GLCCI1: variants seen among roughly 807,000 people sequenced by gnomAD.
GLCCI1 encodes the protein glucocorticoid induced 1, also known as glucocorticoid-induced transcript 1 protein.
A neutral mutation model predicts 52.2 loss-of-function variants in GLCCI1; 24 were observed. The observed-to-expected ratio is 0.46, with a 90% CI of 0.33 to 0.65. The LOEUF is 0.65. GLCCI1 is among the 30% of genes least tolerant of loss of function. The pLI is 0.02. For synonymous variants in GLCCI1, 310 were observed against 276.5 expected (o/e 1.12, Z -1.20); for missense variants, 704 against 701.5 (o/e 1.00, Z -0.04).
At chr7:8,024,125 T>A (rs1781561306) in intron 3 of GLCCI1, among the ~76,000 whole-genome samples, 1 of 152,092 alleles carries the variant, frequency 6.6e-6, no homozygotes. Flanking sequence ...TTCTCTCAAA[T>A]TTTTTTTCAT....
At chr7:8,081,818 A>C (rs1782999343) in intron 6 of GLCCI1, among the ~76,000 whole-genome samples, 1 of 152,196 alleles carries the variant, frequency 6.6e-6, no homozygotes, top group Admixed American at 6.5e-5. Flanking sequence ...AACAGCAATC[A>C]CATTTTTCCA....
Position 8,070,976 on chromosome 7 carries a change from G to C in GLCCI1, c.1022G>C (p.Ser341Thr). 6.2e-7 allele frequency: 1 copy of C among 1,614,228 alleles called. No individual in the cohort carries two copies. The highest frequency in any genetic ancestry group is 8.5e-7 in the Non-Finnish European group (1 of 1,180,032). ...RAPLPAHYRS[S>T]STRSIDTQTP... Reference sequence around the variant, plus strand: ...CCACTTCCTGCTCATTACCGGAGCAGTAGTACTCGCAGCATTGACACTCAG... The same window carrying C: ...CCACTTCCTGCTCATTACCGGAGCACTAGTACTCGCAGCATTGACACTCAG... The change falls in exon 6 of 8, where the codon AGT (serine) becomes ACT (threonine). Residue 341 changes from serine (S) to threonine (T), a missense_variant. Ser to Thr is a moderately conservative substitution (Grantham distance 58). This residue lies in a region of GLCCI1 where 547 missense variants were observed against 524.8 expected (regional missense o/e 1.04). Transcript: ENST00000223145.
chr7:8,061,655 C>CTT (rs1562446626), intron 5 of GLCCI1, among the ~76,000 whole-genome samples: 4 of 94,706 alleles, frequency 4.2e-5, no homozygotes, highest in Non-Finnish European at 5.9e-5. Context: ...TACCATTGAA[C>CTT]TCTTTTTTTT....
chr7:8,069,220 CCA>C (rs1427365199), intron 5 of GLCCI1, among the ~76,000 whole-genome samples: 2 of 151,966 alleles, frequency 1.3e-5, no homozygotes, highest in African/African-American at 2.4e-5. Context: ...GGGGTCCACC[CCA>C]GAGAAATAGC....
At chr7:8,080,902 G>A (rs1584027646) in intron 6 of GLCCI1, among the ~76,000 whole-genome samples, 1 of 143,074 alleles carries the variant, frequency 7.0e-6, no homozygotes. Context: ...TCGAACTCCT[G>A]GCCTCAAGTG....
At chr7:8,077,973 G>A (rs1026800840) in intron 6 of GLCCI1, among the ~76,000 whole-genome samples, 1 of 151,934 alleles carries the variant, frequency 6.6e-6, no homozygotes, top group South Asian at 2.1e-4. Flanking sequence ...GGTGGCTCAC[G>A]CCTGTAATCC....
At chr7:7,992,286 G>C (rs575307959) in intron 1 of GLCCI1, among the ~76,000 whole-genome samples, 1 of 152,060 alleles carries the variant, frequency 6.6e-6, no homozygotes, top group East Asian at 1.9e-4. Context: ...AGTGGTGGAA[G>C]ACTTGCCCAT....
intron 1 of GLCCI1, among the ~76,000 whole-genome samples, chr7:7,994,392 C>T (rs887754859): frequency 1.3e-5 from 2 of 152,172 alleles, no homozygotes; most frequent in Admixed American, 1.3e-4. Flanking sequence ...TTTAATTTTA[C>T]TTTGCCACTT....
At chr7:7,982,783 CTGTAT>C (rs1780647682) in intron 1 of GLCCI1, among the ~76,000 whole-genome samples, 1 of 152,070 alleles carries the variant, frequency 6.6e-6, no homozygotes. Context: ...ATTTTTATTG[CTGTAT>C]TGTATTATAT....
chr7:8,014,090 A>G (rs773551968), intron 2 of GLCCI1, among the ~76,000 whole-genome samples: 2 of 151,928 alleles, frequency 1.3e-5, no homozygotes, highest in East Asian at 1.9e-4. Flanking sequence ...TCTAGGTTCA[A>G]GTGATTCTCC....
At chr7:7,978,398 C>T (rs1169006642) in intron 1 of GLCCI1, among the ~76,000 whole-genome samples, 2 of 152,134 alleles carry the variant, frequency 1.3e-5, no homozygotes, top group Non-Finnish European at 2.9e-5. Flanking sequence ...ACTGTCATGG[C>T]AAAGCAATGC....
At chr7:8,049,375 C>T (rs958213280) in intron 3 of GLCCI1, among the ~76,000 whole-genome samples, 3 of 151,872 alleles carry the variant, frequency 2.0e-5, no homozygotes, top group African/African-American at 7.3e-5. Context: ...TTTTCTGGAC[C>T]TACAAGATAA....
chr7:8,003,767 G>A, intron 1 of GLCCI1, 141 bp from the exon 2 acceptor site: 1 of 642,118 alleles, frequency 1.6e-6, no homozygotes, highest in Non-Finnish European at 2.6e-6. Flanking sequence ...CATTTCATCT[G>A]ATCATACAAC....
chr7:8,067,664 G>C (rs1377091556), intron 5 of GLCCI1, among the ~76,000 whole-genome samples: 1 of 152,084 alleles, frequency 6.6e-6, no homozygotes, highest in Non-Finnish European at 1.5e-5. Context: ...CTTCTCGCTT[G>C]GAATAGGCTC....
At position 8,038,956 on chromosome 7, in the gene GLCCI1, T is replaced by C. The variant is rs550016288; in HGVS notation, c.696+16387T>C. Among the ~76,000 whole-genome samples the C allele has an allele frequency of 8.5e-4, 130 of 152,108 alleles. 1 individual carries two copies. Among genetic ancestry groups the C allele is most frequent in the African/African-American group, 2.9e-3 (122 of 41,502 alleles). On this transcript the variant is annotated intron_variant, in intron 3 of 7. Coordinates refer to ENST00000223145, the MANE Select transcript of GLCCI1 (RefSeq NM_138426.4). ...CCTGTTAAAAAGTGGATAAAGGACA[T>C]GAACAAACATTTTTCAAAAGAAAAC... is the stretch of plus-strand genomic sequence containing the variant.
At chr7:8,035,355 C>T (rs1163207417) in intron 3 of GLCCI1, among the ~76,000 whole-genome samples, 1 of 152,198 alleles carries the variant, frequency 6.6e-6, no homozygotes, top group African/African-American at 2.4e-5. Context: ...TGCTTAAGCA[C>T]AGATGTGGAG....
At chr7:8,023,585 A>ATTTTTTTTTTTTTTTTTTTTTTTTT (rs1268659559) in intron 3 of GLCCI1, among the ~76,000 whole-genome samples, 1 of 39,780 alleles carries the variant, frequency 2.5e-5, no homozygotes, top group Admixed American at 2.5e-4. Context: ...AATCTCTGTT[A>ATTTTTTTTTTTTTTTTTTTTTTTTT]TTCTTTTTTT....
At chr7:8,064,891 G>C (rs1161284002) in intron 5 of GLCCI1, among the ~76,000 whole-genome samples, 1 of 151,718 alleles carries the variant, frequency 6.6e-6, no homozygotes, top group Non-Finnish European at 1.5e-5. Context: ...GGTTTTTTTT[G>C]TATTTTAGTA....
chr7:8,038,636 T>C lies in GLCCI1; in HGVS notation c.696+16067T>C, dbSNP rs1397098383. ...GGATTAGAGACTTAAATGTAAGACCTGAACCTATAAACATTTTGGAGGAAA... is the reference window on the plus strand; with the variant it reads ...GGATTAGAGACTTAAATGTAAGACCCGAACCTATAAACATTTTGGAGGAAA... On this transcript the variant is annotated intron_variant, in intron 3 of 7. Transcript: ENST00000223145. Among the ~76,000 whole-genome samples, 4 of 152,290 alleles carry C rather than the reference T, an allele frequency of 2.6e-5. No homozygotes were observed. In the East Asian group the frequency reaches 7.7e-4, roughly 29 times the overall value.
Sources: gnomAD v4.1 joint callset for allele counts (sites outside exome capture counted in the v4.1 genomes callset) on GRCh38, gnomAD v4.1.1 for gene constraint, gnomAD v4.1.1 regional missense constraint, MANE v1.5 for transcripts, NCBI Gene and HGNC (gene_info 2026-07-23, HGNC 2026-07-21) for gene names.